The following REPS2 variants were observed in gnomAD, a reference collection of about 807,000 sequenced individuals.
REPS2 encodes the protein RALBP1 associated Eps domain containing 2.
REPS2 carries 23 observed loss-of-function variants against 53.6 expected under a neutral mutation model. That is an observed-to-expected ratio of 0.43 (90% CI 0.31 to 0.61). REPS2 has a LOEUF of 0.61. Ranked by LOEUF, REPS2 falls within the 20% of genes least tolerant of loss-of-function variation. REPS2 has a pLI of 0.11. For missense variants in REPS2, 446 were observed against 534.9 expected (o/e 0.83, Z 1.64); for synonymous variants, 238 against 218.6 (o/e 1.09, Z -0.78).
intron 14 of REPS2, among the ~76,000 whole-genome samples, chrX:17,123,626 C>T (rs1011587247): frequency 2.9e-4 from 32 of 112,211 alleles, no homozygotes; most frequent in African/African-American, 9.7e-4. Flanking sequence ...ATTGGTCTAC[C>T]GAGGGGGGTG....
At chrX:16,963,841 A>G (rs1443302805) in intron 1 of REPS2, among the ~76,000 whole-genome samples, 3 of 111,010 alleles carry the variant, frequency 2.7e-5, no homozygotes, top group African/African-American at 9.8e-5. Flanking sequence ...ATGAGCTCTG[A>G]GCTGTTAATC....
At chrX:17,045,604 A>G (rs974619952) in intron 5 of REPS2, among the ~76,000 whole-genome samples, 1 of 107,923 alleles carries the variant, frequency 9.3e-6, no homozygotes, top group African/African-American at 3.4e-5. Flanking sequence ...TATGAAAATG[A>G]TACATTTATT....
intron 4 of REPS2, among the ~76,000 whole-genome samples, chrX:17,026,967 A>G (rs1217547672): frequency 9.1e-6 from 1 of 109,958 alleles, no homozygotes; most frequent in Non-Finnish European, 1.9e-5. Flanking sequence ...TTCTTTTTGT[A>G]TTTTTTTGTA....
intron 14 of REPS2, among the ~76,000 whole-genome samples, chrX:17,113,214 A>G (rs5969738): frequency 0.4 from 40,140 of 99,184 alleles, 6,777 homozygotes; most frequent in Middle Eastern, 0.54. Context: ...CAGAAAAACA[A>G]CAGAGAAAAT....
intron 1 of REPS2, among the ~76,000 whole-genome samples, chrX:16,995,153 C>T (rs909030591): frequency 8.9e-6 from 1 of 112,245 alleles, no homozygotes; most frequent in Non-Finnish European, 1.9e-5. Context: ...CTCCCTCTCT[C>T]ACAGATGTGT....
chrX:17,050,196 T>TTCTTC (rs1555926855), intron 6 of REPS2, among the ~76,000 whole-genome samples: 2 of 59,405 alleles, frequency 3.4e-5, no homozygotes, highest in Non-Finnish European at 5.3e-5. Flanking sequence ...CTTTCTTTCT[T>TTCTTC]TTTTTTTTTT....
At chrX:16,951,549 ACACACACACAC>A (rs1351420873) in intron 1 of REPS2, among the ~76,000 whole-genome samples, 545 of 32,627 alleles carry the variant, frequency 0.017, 21 homozygotes, top group East Asian at 0.16. Flanking sequence ...ACACACACAC[ACACACACACAC>A]CCCCGCTACC....
At chrX:16,975,497 G>C in intron 1 of REPS2, among the ~76,000 whole-genome samples, 1 of 110,528 alleles carries the variant, frequency 9.0e-6, no homozygotes, top group Non-Finnish European at 1.9e-5. Flanking sequence ...TCATCTGCTC[G>C]TTAGCCACGT....
the REPS2 span, among the ~76,000 whole-genome samples, chrX:17,166,744 C>G: frequency 2.7e-5 from 3 of 111,711 alleles, no homozygotes; most frequent in Admixed American, 9.5e-5. Context: ...TGTGTATGTC[C>G]CAGTCACACA....
chrX:17,135,362 G>A lies in REPS2; in HGVS notation c.1764G>A (p.Gly588=). ...AAGAGCCTTCCACTGCTGCAAGTGG[G>A]CCAGCTTCTGCGGCAACCATGAAAC... is the stretch of plus-strand genomic sequence containing the variant. ...ENQEPSTAAS[G]PASAATMKPH... The change falls in exon 16 of 18, where the codon GGG becomes GGA. Residue 588 remains glycine, a synonymous_variant. Coordinates refer to ENST00000357277, the MANE Select transcript of REPS2 (RefSeq NM_004726.3). 1 of 1,211,253 alleles carries A rather than the reference G, an allele frequency of 8.3e-7. No homozygotes were observed. Among genetic ancestry groups the A allele is most frequent in the African/African-American group, 1.7e-5 (1 of 57,767 alleles).
At chrX:17,116,001 C>T (rs939364604) in intron 14 of REPS2, among the ~76,000 whole-genome samples, 7 of 111,061 alleles carry the variant, frequency 6.3e-5, no homozygotes, top group South Asian at 3.9e-4. Flanking sequence ...GTTTTGATGG[C>T]GCTGCGATGG....
At chrX:17,175,634 C>T in the REPS2 span, among the ~76,000 whole-genome samples, 16 of 112,488 alleles carry the variant, frequency 1.4e-4, no homozygotes, top group South Asian at 5.9e-3. Flanking sequence ...TTGTCATGGT[C>T]CAACTTCTTC....
chrX:17,104,735 A>G (rs1341572371), intron 14 of REPS2, among the ~76,000 whole-genome samples: 4 of 111,904 alleles, frequency 3.6e-5, no homozygotes, highest in African/African-American at 1.3e-4. Flanking sequence ...TAAAAAGCCC[A>G]TTTCTTCCTG....
At chrX:17,032,983 G>C (rs1310982337) in intron 5 of REPS2, among the ~76,000 whole-genome samples, 1 of 112,190 alleles carries the variant, frequency 8.9e-6, no homozygotes, top group African/African-American at 3.2e-5. Context: ...CTTATTTTCT[G>C]CTTCATCTGT....
intron 5 of REPS2, among the ~76,000 whole-genome samples, chrX:17,046,487 T>G (rs2061908933): frequency 1.8e-5 from 2 of 112,021 alleles, no homozygotes; most frequent in Non-Finnish European, 3.8e-5. Flanking sequence ...AGCCTCATCC[T>G]TCTGGTGTTC....
chrX:17,176,833 G>A, the REPS2 span, among the ~76,000 whole-genome samples: 1 of 112,323 alleles, frequency 8.9e-6, no homozygotes, highest in Non-Finnish European at 1.9e-5. Flanking sequence ...TGGCCCTTCA[G>A]AGGCAGGAGT....
Position 16,994,766 on chromosome X carries a change from TA to T in REPS2, c.274-11453del, listed in dbSNP as rs111294124. On this transcript the variant is annotated intron_variant, in intron 1 of 17. Coordinates refer to ENST00000357277, the MANE Select transcript of REPS2 (RefSeq NM_004726.3). ...TCTCAGAAATCAGCACTGAAGAACTTAACTCATGTAACCAAATACCATCTGT... is the reference window on the plus strand; with the variant it reads ...TCTCAGAAATCAGCACTGAAGAACTTACTCATGTAACCAAATACCATCTGT... 5.3e-3 allele frequency among the ~76,000 whole-genome samples: 591 copies of T among 111,374 alleles called. 5 individuals carry two copies. The highest frequency in any genetic ancestry group is 0.018 in the African/African-American group (566 of 30,616).
chrX:17,047,240 G>A (rs899885697), intron 5 of REPS2, 107 bp from the exon 6 acceptor site: 1 of 893,027 alleles, frequency 1.1e-6, no homozygotes, highest in Non-Finnish European at 1.6e-6. Context: ...TTCACCTGAG[G>A]AAAAAAATTA....
intron 1 of REPS2, among the ~76,000 whole-genome samples, chrX:16,987,563 A>T (rs748858155): frequency 8.9e-6 from 1 of 112,358 alleles, no homozygotes; most frequent in South Asian, 3.7e-4. Flanking sequence ...TATTTTATGC[A>T]GGCATTGTTT....
Sources: allele counts gnomAD v4.1 joint callset (sites outside exome capture counted in the v4.1 genomes callset), GRCh38; gene constraint gnomAD v4.1.1; transcripts MANE v1.5; gene names NCBI Gene and HGNC (gene_info 2026-07-23, HGNC 2026-07-21).